The following KLHL1 variants were observed in gnomAD, a reference collection of about 807,000 sequenced individuals.
KLHL1 encodes kelch-like protein 1.
KLHL1 carries 47 observed loss-of-function variants against 77.7 expected under a neutral mutation model. The ratio of observed to expected loss-of-function variants is 0.60; its 90% CI spans 0.48 to 0.77. KLHL1 has a LOEUF of 0.77. Among genes scored for constraint, KLHL1 ranks in the 30% least tolerant of loss-of-function variants. KLHL1 has a pLI of 0.00. For synonymous variants in KLHL1, 360 were observed against 325.2 expected (o/e 1.11, Z -1.15); for missense variants, 925 against 910.8 (o/e 1.02, Z -0.20).
At chr13:70,085,576 T>C (rs1173893780) in intron 1 of KLHL1, among the ~76,000 whole-genome samples, 3 of 152,116 alleles carry the variant, frequency 2.0e-5, no homozygotes, top group African/African-American at 7.2e-5. Context: ...TTACAAACAC[T>C]GAATGGGCTG....
chr13:69,891,371 A>G (rs1379240154), intron 4 of KLHL1, among the ~76,000 whole-genome samples: 1 of 152,110 alleles, frequency 6.6e-6, no homozygotes, highest in East Asian at 1.9e-4. Flanking sequence ...TAGTATCAGA[A>G]ATAATTTCTG....
At chr13:69,836,742 A>G (rs1365158013) in intron 6 of KLHL1, among the ~76,000 whole-genome samples, 1 of 152,052 alleles carries the variant, frequency 6.6e-6, no homozygotes, top group African/African-American at 2.4e-5. Context: ...GCTACCTACT[A>G]GATATTTACA....
At chr13:69,813,368 A>T (rs1384554432) in intron 6 of KLHL1, among the ~76,000 whole-genome samples, 1 of 152,010 alleles carries the variant, frequency 6.6e-6, no homozygotes, top group South Asian at 2.1e-4. Flanking sequence ...AGATACACCT[A>T]ATGTAAATAA....
At chr13:69,795,038 A>G (rs1291543288) in intron 7 of KLHL1, among the ~76,000 whole-genome samples, 1 of 152,208 alleles carries the variant, frequency 6.6e-6, no homozygotes, top group Non-Finnish European at 1.5e-5. Flanking sequence ...TACGATACAT[A>G]ATGCCGAATT....
intron 5 of KLHL1, among the ~76,000 whole-genome samples, chr13:69,874,297 C>T (rs951168495): frequency 1.3e-4 from 19 of 151,944 alleles, no homozygotes; most frequent in African/African-American, 4.3e-4. Flanking sequence ...CTTCCCTTAT[C>T]TCTCTATACT....
intron 2 of KLHL1, among the ~76,000 whole-genome samples, chr13:69,967,939 G>C (rs1457650927): frequency 6.6e-6 from 1 of 151,562 alleles, no homozygotes; most frequent in African/African-American, 2.4e-5. Context: ...AATTGACAGA[G>C]CAGCAGTAGG....
chr13:70,085,659 T>A (rs1474725133), intron 1 of KLHL1, among the ~76,000 whole-genome samples: 1 of 151,762 alleles, frequency 6.6e-6, no homozygotes, highest in Non-Finnish European at 1.5e-5. Context: ...AGGTCAGGAG[T>A]TCGAGATCAG....
intron 7 of KLHL1, 112 bp downstream of exon 7, chr13:69,796,626 C>T (rs755832144): frequency 1.2e-6 from 1 of 805,152 alleles, no homozygotes; most frequent in Non-Finnish European, 1.9e-6. Flanking sequence ...TTCAGGTATT[C>T]CTTTATCGCA....
chr13:70,015,081 G>C (rs1885625128), intron 1 of KLHL1, among the ~76,000 whole-genome samples: 1 of 152,098 alleles, frequency 6.6e-6, no homozygotes, highest in African/African-American at 2.4e-5. Context: ...ATATTGAACT[G>C]AAAGTAGATT....
rs59606834 is a variant in KLHL1 at position 69,947,028 on chromosome 13, TTGTGTGTGTGTGTGTG to T, written c.818-6808_818-6793del. Among the ~76,000 whole-genome samples, 378 of 145,998 alleles carry T rather than the reference TTGTGTGTGTGTGTGTG, an allele frequency of 2.6e-3. 1 individual carries two copies. The highest frequency in any genetic ancestry group is 2.9e-3 in the African/African-American group (115 of 39,158). On this transcript the variant is annotated intron_variant, in intron 3 of 10. Transcript: ENST00000377844. ...TGCCATACAAAATTGTGTGTGTGTGTTGTGTGTGTGTGTGTGTGTGTGTGTGTGTGTGTGTGTGTGT... is the reference window on the plus strand; with the variant it reads ...TGCCATACAAAATTGTGTGTGTGTGTTGTGTGTGTGTGTGTGTGTGTGTGT...
At chr13:70,088,456 G>C (rs1887596724) in intron 1 of KLHL1, among the ~76,000 whole-genome samples, 1 of 152,086 alleles carries the variant, frequency 6.6e-6, no homozygotes, top group Admixed American at 6.6e-5. Flanking sequence ...AAGGATGGAG[G>C]GTCACTTGAG....
intron 9 of KLHL1, among the ~76,000 whole-genome samples, chr13:69,711,250 A>G (rs930375988): frequency 6.6e-6 from 1 of 152,136 alleles, no homozygotes; most frequent in East Asian, 1.9e-4. Context: ...GACAGCAATT[A>G]AACAATAAAG....
intron 4 of KLHL1, among the ~76,000 whole-genome samples, chr13:69,921,008 C>G (rs1438343558): frequency 6.6e-6 from 1 of 152,122 alleles, no homozygotes; most frequent in Non-Finnish European, 1.5e-5. Flanking sequence ...TTAGCACCAA[C>G]TTGGCAGATA....
At chr13:69,954,704 AG>A (rs1883813189) in intron 3 of KLHL1, among the ~76,000 whole-genome samples, 3 of 151,220 alleles carry the variant, frequency 2.0e-5, no homozygotes, top group Non-Finnish European at 3.0e-5. Flanking sequence ...AACAACAAAA[AG>A]CTTCATAACA....
chr13:69,879,721 A>T (rs1231189277), intron 5 of KLHL1, among the ~76,000 whole-genome samples: 1 of 152,180 alleles, frequency 6.6e-6, no homozygotes, highest in Non-Finnish European at 1.5e-5. Flanking sequence ...GGCAAATATG[A>T]AACCAACCCT....
Position 69,803,755 on chromosome 13 carries a change from A to T in KLHL1, c.1415-6793T>A, listed in dbSNP as rs550573644. 1.1e-4 allele frequency among the ~76,000 whole-genome samples: 16 copies of T among 152,278 alleles called. No individual in the cohort carries two copies. In the South Asian group the frequency reaches 3.3e-3, roughly 32 times the overall value. On this transcript the variant is annotated intron_variant, in intron 6 of 10. Coordinates refer to ENST00000377844, the MANE Select transcript of KLHL1 (RefSeq NM_020866.3). The stretch of plus-strand genomic sequence containing the variant: ...TTGACTTACTGTTCCTGGCTTGAAG[A>T]TGGGTCATATAAGAAGGAATGCAAG...
chr13:69,958,920 A>G (rs1404164882), intron 3 of KLHL1, among the ~76,000 whole-genome samples: 2 of 151,966 alleles, frequency 1.3e-5, no homozygotes, highest in Admixed American at 1.3e-4. Context: ...CCCTTTCTAT[A>G]CAACTGATCA....
intron 6 of KLHL1, among the ~76,000 whole-genome samples, chr13:69,805,682 G>GA (rs1286402580): frequency 1.1e-4 from 16 of 139,310 alleles, no homozygotes; most frequent in East Asian, 4.4e-4. Context: ...AGCTCTAGAT[G>GA]AAAAAAAACA....
intron 7 of KLHL1, among the ~76,000 whole-genome samples, chr13:69,743,945 T>G (rs748407114): frequency 1.3e-5 from 2 of 152,132 alleles, no homozygotes; most frequent in Non-Finnish European, 2.9e-5. Flanking sequence ...GAGAACTCTA[T>G]TTTGGATATA....
Sources: allele counts gnomAD v4.1 joint callset (sites outside exome capture counted in the v4.1 genomes callset), GRCh38; gene constraint gnomAD v4.1.1; transcripts MANE v1.5; gene names NCBI Gene and HGNC (gene_info 2026-07-23, HGNC 2026-07-21).